The following STAT4 variants were observed in gnomAD, a reference collection of about 807,000 sequenced individuals.
The protein encoded by STAT4 is signal transducer and activator of transcription 4.
Under a neutral mutation model 110.5 loss-of-function variants are expected in STAT4, and 42 were observed. The observed-to-expected ratio is 0.38, with a 90% CI of 0.30 to 0.49. The LOEUF is 0.49. Ranked by LOEUF, STAT4 falls within the 20% of genes least tolerant of loss-of-function variation. The pLI is 0.95. For missense variants in STAT4, 632 were observed against 887.9 expected (o/e 0.71, Z 3.66); for synonymous variants, 284 against 302.2 (o/e 0.94, Z 0.63).
In STAT4 at chr2:191,069,152, G is replaced by T. The variant is rs531984281; in HGVS notation, c.544+541C>A. ...ATGTGTGTGAACATACAGAGAAAAG[G>T]CTGGAAGGAAATATATTTTGACAGT... On this transcript the variant is annotated intron_variant, in intron 6 of 23. Coordinates refer to ENST00000392320, the MANE Select transcript of STAT4 (RefSeq NM_003151.4). Among the ~76,000 whole-genome samples the T allele has an allele frequency of 1.4e-4, 22 of 151,958 alleles. No homozygotes were observed. In the South Asian group the frequency reaches 4.1e-3, roughly 29 times the overall value.
At chr2:191,081,674 C>T (rs1394778175) in intron 3 of STAT4, among the ~76,000 whole-genome samples, 1 of 152,116 alleles carries the variant, frequency 6.6e-6, no homozygotes. Context: ...CCTTTGCCCA[C>T]ATAAAGTTCT....
chr2:191,147,968 G>T lies in STAT4; in HGVS notation c.128+108C>A, dbSNP rs1467798679. ...AAATCCTTGAGAAAGTTCTTTACCT[G>T]AAAAGAATGCATCTACTGAGTAAAA... On this transcript the variant is annotated intron_variant, in intron 2 of 23. Coordinates refer to ENST00000392320, the MANE Select transcript of STAT4 (RefSeq NM_003151.4). This position sits in a 1 kb window ranked among gnomAD's most constrained non-coding sequence, Gnocchi z 4.1. 2 of 1,454,688 alleles carry T rather than the reference G, an allele frequency of 1.4e-6. No individual in the cohort carries two copies. The highest frequency in any genetic ancestry group is 4.8e-5 in the East Asian group (2 of 41,424). 90.1% of individuals were successfully genotyped at this position (1,454,688 alleles called of 1,614,324 possible).
chr2:191,081,834 G>A (rs1248476158), intron 3 of STAT4, among the ~76,000 whole-genome samples: 1 of 152,090 alleles, frequency 6.6e-6, no homozygotes, highest in Non-Finnish European at 1.5e-5. Context: ...TGTATTGGCA[G>A]TATGATTTTA....
rs3024898 is a variant in STAT4 at position 191,031,628 on chromosome 2, C to G, written c.2045-112G>C. ...ACAATGATAAGAGGAAGAGAGATAACGCAGTTGTTCGGTGATACACAGAAA... is the reference window on the plus strand; with the variant it reads ...ACAATGATAAGAGGAAGAGAGATAAGGCAGTTGTTCGGTGATACACAGAAA... On this transcript the variant is annotated intron_variant, in intron 21 of 23. Coordinates refer to ENST00000392320, the MANE Select transcript of STAT4 (RefSeq NM_003151.4). The surrounding 1 kb of genome is among the most constrained non-coding windows in gnomAD (Gnocchi z 4.8). The G allele has an allele frequency of 1.2e-6, 1 of 821,424 alleles. No individual in the cohort carries two copies. Among genetic ancestry groups the G allele is most frequent in the East Asian group, 2.7e-5 (1 of 37,376 alleles). The allele number at this position is 821,424 out of a possible 1,614,324, so 50.9% of individuals were successfully genotyped here. A position where few individuals can be genotyped will look rare whatever the true frequency, so the allele number is the denominator to read the frequency against.
rs1699225948 is a variant in STAT4 at position 191,138,033 on chromosome 2, C to T, written c.273+8580G>A. On this transcript the variant is annotated intron_variant, in intron 3 of 23. Transcript: ENST00000392320. This position sits in a 1 kb window ranked among gnomAD's most constrained non-coding sequence, Gnocchi z 4.3. ...AGAACTACATTAAACTAAAAAGCTT[C>T]TGCACAGCAAAGGAAACAATCAGCA... Among the ~76,000 whole-genome samples the T allele has an allele frequency of 6.6e-6, 1 of 152,140 alleles. No homozygotes were observed. The highest frequency in any genetic ancestry group is 6.5e-5 in the Admixed American group (1 of 15,276).
chr2:191,045,280 CAGTATTGCCATCGCCTAAA>C (rs1351718819), intron 14 of STAT4, among the ~76,000 whole-genome samples: 1 of 152,144 alleles, frequency 6.6e-6, no homozygotes, highest in Non-Finnish European at 1.5e-5. Context: ...AAAGGACCAG[CAGTATTGCCATCGCCTAAA>C]AGTTTGTAAG....
At position 191,043,782 on chromosome 2, in the gene STAT4, G is replaced by A. The variant is rs192815097; in HGVS notation, c.1252-2634C>T. On this transcript the variant is annotated intron_variant, in intron 14 of 23. Transcript: ENST00000392320. This position sits in a 1 kb window ranked among gnomAD's most constrained non-coding sequence, Gnocchi z 4.8. ...TGGAATAAATGATCCACAGCAACAT[G>A]AATCAACGTAGGAATGAGTCTCAGA... Among the ~76,000 whole-genome samples, 120 of 152,230 alleles carry A rather than the reference G, an allele frequency of 7.9e-4. No homozygotes were observed. The highest frequency in any genetic ancestry group is 2.4e-3 in the African/African-American group (101 of 41,534).
intron 3 of STAT4, among the ~76,000 whole-genome samples, chr2:191,133,382 A>G (rs1293782115): frequency 6.6e-6 from 1 of 150,748 alleles, no homozygotes; most frequent in Admixed American, 6.6e-5. Context: ...GCAAGTAAAT[A>G]TAGAGGAGGT....
At position 191,138,764 on chromosome 2, in the gene STAT4, A is replaced by G. The variant is rs1279173200; in HGVS notation, c.273+7849T>C. 6.6e-6 allele frequency among the ~76,000 whole-genome samples: 1 copy of G among 152,200 alleles called. No homozygotes were observed. Among genetic ancestry groups the G allele is most frequent in the African/African-American group, 2.4e-5 (1 of 41,444 alleles). On this transcript the variant is annotated intron_variant, in intron 3 of 23. Transcript: ENST00000392320. This position sits in a 1 kb window ranked among gnomAD's most constrained non-coding sequence, Gnocchi z 4.3. Reference sequence around the variant, plus strand: ...TCTCTCTAAATCATTCCATGAAGCCAGTATCACCCTAATACCAAAACCAGG... The same window carrying G: ...TCTCTCTAAATCATTCCATGAAGCCGGTATCACCCTAATACCAAAACCAGG...
chr2:191,068,854 A>T (rs1574726376), intron 6 of STAT4, among the ~76,000 whole-genome samples: 1 of 152,096 alleles, frequency 6.6e-6, no homozygotes, highest in Non-Finnish European at 1.5e-5. Flanking sequence ...CTATTCTTCT[A>T]TTATTATTTG....
At chr2:191,131,817 G>A in intron 3 of STAT4, 1 of 1,412,004 alleles carries the variant, frequency 7.1e-7, no homozygotes, top group Non-Finnish European at 9.3e-7. Flanking sequence ...AAGAAGCTAA[G>A]TCCTAGGGAC....
chr2:191,035,016 T>A lies in STAT4; in HGVS notation c.1571-419A>T, dbSNP rs1696006194. Among the ~76,000 whole-genome samples, 1 of 152,174 alleles carries A rather than the reference T, an allele frequency of 6.6e-6. No homozygotes were observed. The highest frequency in any genetic ancestry group is 2.4e-5 in the African/African-American group (1 of 41,444). On this transcript the variant is annotated intron_variant, in intron 17 of 23. Transcript: ENST00000392320. This position sits in a 1 kb window ranked among gnomAD's most constrained non-coding sequence, Gnocchi z 4.7. Reference sequence around the variant, plus strand: ...ACATTATAAAACAAATTTGTGTAAGTTAGGTATAGCTAGATTACCAGGAAT... The same window carrying A: ...ACATTATAAAACAAATTTGTGTAAGATAGGTATAGCTAGATTACCAGGAAT...
chr2:191,073,193 G>A lies in STAT4; in HGVS notation c.373-3C>T. On this transcript the variant is annotated splice_polypyrimidine_tract_variant and splice_region_variant and intron_variant, in intron 4 of 23. Transcript: ENST00000392320. ...TGTAAGGATTTCTCTAGAGGCCCCT[G>A]GAAAAAGAATGTCTTGAAATCTCTC... The A allele has an allele frequency of 6.2e-7, 1 of 1,612,968 alleles. No homozygotes were observed. The highest frequency in any genetic ancestry group is 2.2e-5 in the East Asian group (1 of 44,822).
Position 191,032,989 on chromosome 2 carries a change from G to C in STAT4, c.2013C>G (p.Phe671Leu). 2.5e-6 allele frequency: 4 copies of C among 1,614,074 alleles called. No individual in the cohort carries two copies. The highest frequency in any genetic ancestry group is 3.4e-6 in the Non-Finnish European group (4 of 1,179,976). ...LYPDIPKDKA[F>L]GKHYSSQPCE... The stretch of plus-strand genomic sequence containing the variant: ...AAGGCTGAGAGCTGTAGTGTTTACC[G>C]AAGGCTTTGTCTTTGGGAATGTCAG... Residue 671 changes from phenylalanine to leucine, a missense_variant, in exon 21 of 24, where the codon TTC becomes TTG. Phe to Leu is a conservative substitution (Grantham distance 22). Around this residue, in one of 4 missense-constraint regions of STAT4, gnomAD observed 38 missense variants for 33.2 expected, o/e 1.15. Coordinates refer to ENST00000392320, the MANE Select transcript of STAT4 (RefSeq NM_003151.4). The surrounding 1 kb of genome is among the most constrained non-coding windows in gnomAD (Gnocchi z 4.9).
rs1305323376 is a variant in STAT4 at position 191,051,266 on chromosome 2, C to T, written c.1251+3224G>A. The stretch of plus-strand genomic sequence containing the variant: ...AGCAGTTGTCTGAAGTTAGGTATCA[C>T]GTTTTAGAGCCCAGTTTTCCCATCT... On this transcript the variant is annotated intron_variant, in intron 14 of 23. Transcript: ENST00000392320. The surrounding 1 kb of genome is among the most constrained non-coding windows in gnomAD (Gnocchi z 5.6). Among the ~76,000 whole-genome samples, 6 of 152,178 alleles carry T rather than the reference C, an allele frequency of 3.9e-5. No homozygotes were observed. The highest frequency in any genetic ancestry group is 3.9e-4 in the East Asian group (2 of 5,190).
In STAT4 at chr2:191,140,384, CA is replaced by C. The variant is rs1352339738; in HGVS notation, c.273+6228del. Among the ~76,000 whole-genome samples the C allele has an allele frequency of 3.3e-5, 5 of 152,130 alleles. No individual in the cohort carries two copies. The highest frequency in any genetic ancestry group is 7.4e-5 in the Non-Finnish European group (5 of 67,980). ...TAATATCCATAATCTGCAAGGAACT[CA>C]AACAAATCAGCAAAAAAACTAATAA... On this transcript the variant is annotated intron_variant, in intron 3 of 23. Coordinates refer to ENST00000392320, the MANE Select transcript of STAT4 (RefSeq NM_003151.4). The surrounding 1 kb of genome is among the most constrained non-coding windows in gnomAD (Gnocchi z 4.4).
intron 3 of STAT4, chr2:191,121,889 G>A (rs554059570): frequency 1.3e-5 from 2 of 151,950 alleles, no homozygotes; most frequent in Non-Finnish European, 1.5e-5. Flanking sequence ...TAACAAACCT[G>A]CATGTTGTGC....
chr2:191,119,770 G>T (rs1160782381), intron 3 of STAT4, among the ~76,000 whole-genome samples: 1 of 152,266 alleles, frequency 6.6e-6, no homozygotes, highest in Middle Eastern at 3.4e-3. Context: ...CATATATCAA[G>T]ACTACAAATC....
At chr2:191,079,212 C>T (rs951756955) in intron 3 of STAT4, among the ~76,000 whole-genome samples, 1 of 112,068 alleles carries the variant, frequency 8.9e-6, no homozygotes, top group African/African-American at 2.7e-5. Flanking sequence ...TTTCTATATA[C>T]ATTTTAGAAT....
Sources: allele counts gnomAD v4.1 joint callset (sites outside exome capture counted in the v4.1 genomes callset), GRCh38; gene constraint gnomAD v4.1.1; regional missense constraint gnomAD v4.1.1; non-coding constraint Gnocchi (gnomAD v3.1); transcripts MANE v1.5; gene names NCBI Gene and HGNC (gene_info 2026-07-23, HGNC 2026-07-21).